The following FUT8 variants were observed in gnomAD, a reference collection of about 807,000 sequenced individuals.
The protein encoded by FUT8 is fucosyltransferase 8.
A neutral mutation model predicts 71.3 loss-of-function variants in FUT8; 29 were observed. The ratio of observed to expected loss-of-function variants is 0.41; its 90% CI spans 0.30 to 0.55. The LOEUF is 0.55. FUT8 is among the 20% of genes least tolerant of loss of function. The probability of loss-of-function intolerance (pLI) is 0.34; values close to 1 mark genes in which losing one functional copy is unlikely to be tolerated. For missense variants in FUT8, 544 were observed against 702.1 expected (o/e 0.77, Z 2.55); for synonymous variants, 254 against 239.3 (o/e 1.06, Z -0.57).
intron 7 of FUT8, among the ~76,000 whole-genome samples, chr14:65,698,687 G>A (rs1430639522): frequency 6.6e-6 from 1 of 152,154 alleles, no homozygotes; most frequent in Admixed American, 6.5e-5. Context: ...TTGTGATGCT[G>A]GATGGTAGGC....
intron 2 of FUT8, among the ~76,000 whole-genome samples, chr14:65,501,365 G>A (rs1314126477): frequency 1.3e-5 from 2 of 152,312 alleles, no homozygotes; most frequent in East Asian, 3.9e-4. Flanking sequence ...TCATATGGTT[G>A]AGGGGGAAAT....
At chr14:65,543,378 G>T (rs573239113) in intron 2 of FUT8, among the ~76,000 whole-genome samples, 2 of 152,244 alleles carry the variant, frequency 1.3e-5, no homozygotes, top group South Asian at 2.1e-4. Flanking sequence ...TGGATAATAT[G>T]TATGGGCTTA....
Position 65,448,310 on chromosome 14 carries a change from T to TG in FUT8, c.-325-7304dup, listed in dbSNP as rs552869404. On this transcript the variant is annotated intron_variant, in intron 1 of 10. Coordinates refer to ENST00000673929, the MANE Select transcript of FUT8 (RefSeq NM_001371533.1). Reference sequence around the variant, plus strand: ...GTAAGTGGGTCTAGAACCTATAGAATGGGGGGGCGGAATAAAGGAGGCAAT... The same window carrying TG: ...GTAAGTGGGTCTAGAACCTATAGAATGGGGGGGGCGGAATAAAGGAGGCAAT... 7.8e-4 allele frequency among the ~76,000 whole-genome samples: 119 copies of TG among 151,918 alleles called. No homozygotes were observed. In the Middle Eastern group the frequency reaches 0.01, roughly 13 times the overall value.
chr14:65,371,533 T>C, the FUT8 span, among the ~76,000 whole-genome samples: 1 of 152,238 alleles, frequency 6.6e-6, no homozygotes, highest in African/African-American at 2.4e-5. Context: ...AGACCAGTTA[T>C]TTCATAATAA....
chr14:65,413,820 G>A lies in FUT8; in HGVS notation c.-326+606G>A, dbSNP rs1208493987. On this transcript the variant is annotated intron_variant, in intron 1 of 10. Transcript: ENST00000673929. This position sits in a 1 kb window ranked among gnomAD's most constrained non-coding sequence, Gnocchi z 4.1. ...TTTTGAGTATCAACTTATTTGGGAAGGTTAAATGAGTCCATATTTATCAGT... is the reference window on the plus strand; with the variant it reads ...TTTTGAGTATCAACTTATTTGGGAAAGTTAAATGAGTCCATATTTATCAGT... Among the ~76,000 whole-genome samples the A allele has an allele frequency of 6.6e-6, 1 of 152,144 alleles. No homozygotes were observed. The highest frequency in any genetic ancestry group is 2.4e-5 in the African/African-American group (1 of 41,428).
At chr14:65,722,867 T>C (rs1487553357) in intron 8 of FUT8, among the ~76,000 whole-genome samples, 3 of 152,208 alleles carry the variant, frequency 2.0e-5, no homozygotes, top group African/African-American at 7.2e-5. Context: ...AAAACTGGCC[T>C]TAAGTTTGGC....
chr14:65,471,036 T>A (rs1594668889), intron 2 of FUT8: 1 of 459,188 alleles, frequency 2.2e-6, no homozygotes, highest in East Asian at 7.2e-5. Context: ...TTAAATGGGG[T>A]CTGAGGCTTG....
the FUT8 span, among the ~76,000 whole-genome samples, chr14:65,374,937 G>T: frequency 3.2e-4 from 48 of 152,036 alleles, no homozygotes; most frequent in Admixed American, 2.6e-4. Flanking sequence ...TTCCCTGCAG[G>T]TCTGTGGCTT....
At chr14:65,619,708 A>T (rs1355695517) in intron 5 of FUT8, among the ~76,000 whole-genome samples, 1 of 152,196 alleles carries the variant, frequency 6.6e-6, no homozygotes, top group African/African-American at 2.4e-5. Flanking sequence ...ATTAATTATT[A>T]TCTGCTATAT....
At chr14:65,611,217 G>GCACA (rs1888923818) in intron 3 of FUT8, among the ~76,000 whole-genome samples, 1 of 3,178 alleles carries the variant, frequency 3.1e-4, no homozygotes, top group African/African-American at 4.9e-4. Flanking sequence ...GCGCGCGCGC[G>GCACA]CGCGCGCACA....
chr14:65,376,474 G>A, the FUT8 span, among the ~76,000 whole-genome samples: 1 of 89,146 alleles, frequency 1.1e-5, no homozygotes, highest in Non-Finnish European at 2.6e-5. Context: ...GCGGTGGTGT[G>A]ACCTTGGTTC....
At chr14:65,486,908 A>G (rs1387569274) in intron 2 of FUT8, among the ~76,000 whole-genome samples, 1 of 152,184 alleles carries the variant, frequency 6.6e-6, no homozygotes, top group Admixed American at 6.5e-5. Flanking sequence ...TTTCTATTGC[A>G]TATTTCCCTA....
At position 65,490,770 on chromosome 14, in the gene FUT8, T is replaced by C. The variant is rs190190170; in HGVS notation, c.-228+35052T>C. On this transcript the variant is annotated intron_variant, in intron 2 of 10. Coordinates refer to ENST00000673929, the MANE Select transcript of FUT8 (RefSeq NM_001371533.1). ...TTTTTAGTTAATCAGTCAGAGATTA[T>C]ATATAAGGGTTATGGAAGACTGTGG... Among the ~76,000 whole-genome samples, 3 of 152,232 alleles carry C rather than the reference T, an allele frequency of 2.0e-5. No individual in the cohort carries two copies. In the East Asian group the frequency reaches 5.8e-4, roughly 29 times the overall value.
At chr14:65,684,913 T>G (rs576952502) in intron 7 of FUT8, among the ~76,000 whole-genome samples, 1 of 152,366 alleles carries the variant, frequency 6.6e-6, no homozygotes, top group South Asian at 2.1e-4. Context: ...GAAAATGGAC[T>G]AATACATGCA....
At chr14:65,613,462 T>G (rs1392256812) in intron 3 of FUT8, among the ~76,000 whole-genome samples, 1 of 152,210 alleles carries the variant, frequency 6.6e-6, no homozygotes, top group African/African-American at 2.4e-5. Context: ...ATGCCTCATT[T>G]GTGAATGTAT....
intron 3 of FUT8, among the ~76,000 whole-genome samples, chr14:65,610,986 C>A (rs1029207236): frequency 6.6e-6 from 1 of 151,286 alleles, no homozygotes; most frequent in Admixed American, 6.6e-5. Flanking sequence ...CTTACTATAT[C>A]TTTCTCTGGT....
At chr14:65,675,784 G>A (rs1032281576) in intron 7 of FUT8, among the ~76,000 whole-genome samples, 1 of 151,736 alleles carries the variant, frequency 6.6e-6, no homozygotes, top group Non-Finnish European at 1.5e-5. Context: ...GAGGTCAGAA[G>A]TTCAAGACCA....
chr14:65,433,790 C>G (rs758779278), intron 1 of FUT8, among the ~76,000 whole-genome samples: 1 of 56,126 alleles, frequency 1.8e-5, no homozygotes, highest in South Asian at 5.1e-4. Context: ...TGTCTCTTCT[C>G]TCTCTCTCTC....
chr14:65,456,234 G>T (rs1297313358), intron 2 of FUT8, among the ~76,000 whole-genome samples: 1 of 152,126 alleles, frequency 6.6e-6, no homozygotes, highest in South Asian at 2.1e-4. Context: ...TTGCCTATTT[G>T]TAGTTAACCT....
Sources: gnomAD v4.1 joint callset for allele counts (sites outside exome capture counted in the v4.1 genomes callset) on GRCh38, gnomAD v4.1.1 for gene constraint, Gnocchi (gnomAD v3.1) non-coding constraint, MANE v1.5 for transcripts, NCBI Gene and HGNC (gene_info 2026-07-23, HGNC 2026-07-21) for gene names.